TENM2: variants seen among roughly 807,000 people sequenced by gnomAD.
TENM2 encodes teneurin-2.
A neutral mutation model predicts 245.2 loss-of-function variants in TENM2; 52 were observed. The observed-to-expected ratio is 0.21, with a 90% confidence interval of 0.17 to 0.27. The LOEUF is 0.27. Ranked by LOEUF, TENM2 falls within the 10% of genes least tolerant of loss-of-function variation. The pLI is 1.00. For missense variants in TENM2, 3,046 were observed against 3,666.8 expected (o/e 0.83, Z 4.37); for synonymous variants, 1,363 against 1,438.9 (o/e 0.95, Z 1.19).
chr5:168,217,883 A>C (rs956697859), intron 22 of TENM2, among the ~76,000 whole-genome samples: 2 of 152,148 alleles, frequency 1.3e-5, no homozygotes, highest in Admixed American at 6.5e-5. Context: ...GGTAGAGCTG[A>C]TGGCCTGTTC....
chr5:167,087,761 A>G, the TENM2 span, among the ~76,000 whole-genome samples: 3 of 151,912 alleles, frequency 2.0e-5, no homozygotes, highest in Non-Finnish European at 4.4e-5. Flanking sequence ...GCATATTGGG[A>G]GAGTGTTTTT....
At chr5:167,540,689 T>C (rs1296429486) in intron 2 of TENM2, among the ~76,000 whole-genome samples, 1 of 152,158 alleles carries the variant, frequency 6.6e-6, no homozygotes, top group Non-Finnish European at 1.5e-5. Flanking sequence ...CAGAGCAGCT[T>C]TGGGAGTCAG....
chr5:167,255,928 T>G, the TENM2 span, among the ~76,000 whole-genome samples: 2 of 152,082 alleles, frequency 1.3e-5, no homozygotes, highest in Non-Finnish European at 2.9e-5. Flanking sequence ...CTCTCCAGAA[T>G]TGTTAGGAAG....
intron 2 of TENM2, among the ~76,000 whole-genome samples, chr5:167,858,437 C>T (rs1464681485): frequency 1.3e-5 from 2 of 152,248 alleles, no homozygotes; most frequent in Admixed American, 6.5e-5. Flanking sequence ...CATTGTATCA[C>T]CTCACATGCA....
intron 3 of TENM2, among the ~76,000 whole-genome samples, chr5:167,940,880 A>G (rs1054857140): frequency 6.6e-6 from 1 of 152,196 alleles, no homozygotes; most frequent in Admixed American, 6.5e-5. Context: ...CTGATCAAAT[A>G]TCATCTTATC....
At chr5:167,454,810 A>G (rs910785465) in intron 2 of TENM2, among the ~76,000 whole-genome samples, 17 of 152,136 alleles carry the variant, frequency 1.1e-4, no homozygotes, top group Admixed American at 6.6e-5. Flanking sequence ...TTCAGGGACT[A>G]TTCACCTCTG....
At chr5:168,102,934 G>T (rs1201057539) in intron 9 of TENM2, among the ~76,000 whole-genome samples, 1 of 151,980 alleles carries the variant, frequency 6.6e-6, no homozygotes, top group African/African-American at 2.4e-5. Flanking sequence ...CAACGTGCAT[G>T]TTTGTTACAT....
At chr5:167,952,770 G>T in exon 4 of TENM2, 1 of 1,578,334 alleles carries the variant, frequency 6.3e-7, no homozygotes, top group Non-Finnish European at 8.6e-7. Flanking sequence ...ACCAGAGTCC[G>T]TTCAGCTTCA....
At chr5:168,133,228 A>G (rs1443992314) in intron 12 of TENM2, among the ~76,000 whole-genome samples, 1 of 152,216 alleles carries the variant, frequency 6.6e-6, no homozygotes, top group Admixed American at 6.5e-5. Context: ...ATTAGGAAAA[A>G]ATATAACTAG....
At chr5:168,092,947 T>C (rs2152259388) in intron 8 of TENM2, among the ~76,000 whole-genome samples, 1 of 152,308 alleles carries the variant, frequency 6.6e-6, no homozygotes, top group East Asian at 1.9e-4. Flanking sequence ...CCTCAACCCA[T>C]GGAGTAGCCA....
At chr5:167,965,339 T>G (rs1283301299) in intron 4 of TENM2, 3 of 152,228 alleles carry the variant, frequency 2.0e-5, no homozygotes, top group African/African-American at 7.2e-5. Flanking sequence ...AAATAATATG[T>G]ATAACACAGA....
intron 2 of TENM2, among the ~76,000 whole-genome samples, chr5:167,786,187 G>A (rs918819414): frequency 6.6e-6 from 1 of 152,064 alleles, no homozygotes; most frequent in African/African-American, 2.4e-5. Flanking sequence ...AATGCCTCAG[G>A]TACCAAGCCT....
chr5:168,018,490 G>C (rs1353204187), intron 5 of TENM2, among the ~76,000 whole-genome samples: 4 of 148,916 alleles, frequency 2.7e-5, no homozygotes, highest in Non-Finnish European at 5.9e-5. Context: ...GGTCTCTTTT[G>C]TTGATGACAA....
chr5:167,683,564 A>G (rs1212878420), intron 2 of TENM2, among the ~76,000 whole-genome samples: 2 of 152,242 alleles, frequency 1.3e-5, no homozygotes. Flanking sequence ...GAGAATAAAC[A>G]TAGGCAGCGT....
chr5:167,646,807 C>T (rs376016262), intron 2 of TENM2, among the ~76,000 whole-genome samples: 1 of 152,160 alleles, frequency 6.6e-6, no homozygotes. Context: ...GGAAAGACTA[C>T]GGCAAGCCAG....
Position 168,250,269 on chromosome 5 carries a change from T to TGGTA in TENM2, c.7432+1912_7432+1915dup, listed in dbSNP as rs142287429. Among the ~76,000 whole-genome samples the TGGTA allele has an allele frequency of 2.8e-3, 430 of 151,674 alleles. 2 individuals are homozygous for TGGTA. Among genetic ancestry groups the TGGTA allele is most frequent in the African/African-American group, 9.7e-3 (399 of 41,324 alleles). Reference sequence around the variant, plus strand: ...GAGGATGAATGGATAGATGGATGGTTGGTAGGTAGGTAGGTAGAGAGAAGG... The same window carrying TGGTA: ...GAGGATGAATGGATAGATGGATGGTTGGTAGGTAGGTAGGTAGGTAGAGAGAAGG... On this transcript the variant is annotated intron_variant, in intron 27 of 28. Transcript: ENST00000518659.
the TENM2 span, among the ~76,000 whole-genome samples, chr5:166,981,839 T>C: frequency 7.2e-5 from 11 of 152,172 alleles, no homozygotes; most frequent in African/African-American, 2.7e-4. Context: ...TCTGATAATT[T>C]GTGTTAAAAT....
chr5:168,089,847 G>T (rs1159619112), intron 7 of TENM2, among the ~76,000 whole-genome samples: 2 of 152,008 alleles, frequency 1.3e-5, no homozygotes, highest in East Asian at 3.9e-4. Context: ...GTGTTTGCTG[G>T]GTGCCAGGCA....
intron 25 of TENM2, among the ~76,000 whole-genome samples, chr5:168,232,751 A>G (rs920622033): frequency 2.0e-5 from 3 of 152,078 alleles, no homozygotes; most frequent in Admixed American, 6.5e-5. Context: ...TCTTCCCACA[A>G]TCCTCCAGAC....
Sources: gnomAD v4.1 joint callset for allele counts (sites outside exome capture counted in the v4.1 genomes callset) on GRCh38, gnomAD v4.1.1 for gene constraint, MANE v1.5 for transcripts, NCBI Gene and HGNC (gene_info 2026-07-23, HGNC 2026-07-21) for gene names.